RET: variants seen among roughly 807,000 people sequenced by gnomAD.
RET encodes the protein proto-oncogene tyrosine-protein kinase receptor Ret.
Under a neutral mutation model 118.3 loss-of-function variants are expected in RET, and 19 were observed. The ratio of observed to expected loss-of-function variants is 0.16; its 90% CI spans 0.11 to 0.24. RET has a LOEUF of 0.24. Ranked by LOEUF, RET falls within the 10% of genes least tolerant of loss-of-function variation. The pLI, the probability that RET is intolerant of heterozygous loss-of-function variation, is 1.00. For missense variants in RET, 1,219 were observed against 1,502.1 expected (o/e 0.81, Z 3.12); for synonymous variants, 597 against 644.1 (o/e 0.93, Z 1.11).
At chr10:43,125,079 G>T in intron 18 of RET, 97 bp downstream of exon 18, 2 of 1,097,944 alleles carry the variant, frequency 1.8e-6, no homozygotes, top group Admixed American at 3.8e-5. Context: ...AGTTCCCAGT[G>T]TGGGGCCACA....
In RET at chr10:43,104,990, G is replaced by A. The variant is rs1837729713; in HGVS notation, c.664G>A (p.Glu222Lys). Residue 222 changes from glutamate to lysine, a missense_variant, in exon 4 of 20, where the codon GAG (glutamate) becomes AAG (lysine). By Grantham distance (56) the Glu-to-Lys change is moderately conservative. Around this residue, in one of 5 missense-constraint regions of RET, gnomAD observed 850 missense variants for 969.6 expected, o/e 0.88. Transcript: ENST00000355710. ...CTTCCGCTGCGCCCCGGACAGCCTG[G>A]AGGTGAGCACGCGCTGGGCCCTGGA... ...LPFRCAPDSL[E>K]VSTRWALDRE... The A allele has an allele frequency of 3.2e-6, 5 of 1,585,688 alleles. No homozygotes were observed. Among genetic ancestry groups the A allele is most frequent in the Non-Finnish European group, 3.4e-6 (4 of 1,172,772 alleles).
chr10:43,088,144 G>A (rs28576059), intron 1 of RET, among the ~76,000 whole-genome samples: 117,741 of 150,188 alleles, frequency 0.78, 47,180 homozygotes, highest in African/African-American at 0.95. Flanking sequence ...GGTGGAGGCA[G>A]TTGTGGTGGT....
chr10:43,085,473 C>G (rs1243506453), intron 1 of RET, among the ~76,000 whole-genome samples: 1 of 152,226 alleles, frequency 6.6e-6, no homozygotes, highest in Non-Finnish European at 1.5e-5. Context: ...TCCCTCACCC[C>G]CCAGGGGCCA....
chr10:43,125,780 C>T (rs1408973563), intron 18 of RET, among the ~76,000 whole-genome samples: 2 of 152,158 alleles, frequency 1.3e-5, no homozygotes, highest in East Asian at 1.9e-4. Context: ...TCACTTCTTC[C>T]GACTTGGATA....
intron 3 of RET, 33 bp downstream of exon 3, chr10:43,102,662 TGCCTGCTACTGC>T: frequency 6.2e-7 from 1 of 1,611,306 alleles, no homozygotes; most frequent in East Asian, 2.2e-5. Flanking sequence ...CGCCCCACAG[TGCCTGCTACTGC>T]TGGTCTTGCT....
At chr10:43,084,328 G>A (rs1837246095) in intron 1 of RET, among the ~76,000 whole-genome samples, 1 of 152,148 alleles carries the variant, frequency 6.6e-6, no homozygotes, top group East Asian at 1.9e-4. Flanking sequence ...CATTCCCAAG[G>A]GTTACAATCT....
intron 1 of RET, among the ~76,000 whole-genome samples, chr10:43,078,400 C>T (rs1239484739): frequency 6.6e-6 from 1 of 152,236 alleles, no homozygotes; most frequent in African/African-American, 2.4e-5. Context: ...AGGCCCTGCA[C>T]AAACTGAGTT....
rs1838395680 is a variant in RET, at chr10:43,129,108, C to T, written c.*839C>T. ...TGAAGAAAGGGGGCTGTTGGAGTCC[C>T]AGAATTGCTGACAGCAGAGGCTTTG... On this transcript the variant is annotated 3_prime_UTR_variant, in exon 20 of 20. Coordinates refer to ENST00000355710, the MANE Select transcript of RET (RefSeq NM_020975.6). The T allele has an allele frequency of 4.3e-6, 1 of 233,480 alleles. No individual in the cohort carries two copies. Among genetic ancestry groups the T allele is most frequent in the African/African-American group, 2.2e-5 (1 of 45,338 alleles). The allele number at this position is 233,480 out of a possible 1,614,324, so 14.5% of individuals were successfully genotyped here. A position where few individuals can be genotyped will look rare whatever the true frequency, so the allele number is the denominator to read the frequency against.
At chr10:43,087,016 G>A (rs1837304072) in intron 1 of RET, among the ~76,000 whole-genome samples, 1 of 152,372 alleles carries the variant, frequency 6.6e-6, no homozygotes, top group South Asian at 2.1e-4. Context: ...TTTTAGGGGT[G>A]TCAGGAGGCT....
At chr10:43,110,858 T>A (rs917805096) in intron 6 of RET, among the ~76,000 whole-genome samples, 2 of 152,028 alleles carry the variant, frequency 1.3e-5, no homozygotes, top group Non-Finnish European at 2.9e-5. Context: ...GCGGCTTTGT[T>A]GTCTGAGTGA....
chr10:43,126,754 G>C, intron 19 of RET, 32 bp downstream of exon 19: 1 of 1,611,698 alleles, frequency 6.2e-7, no homozygotes, highest in Non-Finnish European at 8.5e-7. Flanking sequence ...CTAGATTCTA[G>C]CACCGCTGTC....
In RET at chr10:43,104,603, A is replaced by ACAAGGCCACTCCTGAT. The variant is rs1217961408; in HGVS notation, c.626-340_626-325dup. On this transcript the variant is annotated intron_variant, in intron 3 of 19. Transcript: ENST00000355710. Reference sequence around the variant, plus strand: ...CTGAGGCAAAGCCACCCTTCCCCACACAAGGCCACTCCTGATCAAGGCCAG... The same window carrying ACAAGGCCACTCCTGAT: ...CTGAGGCAAAGCCACCCTTCCCCACACAAGGCCACTCCTGATCAAGGCCACTCCTGATCAAGGCCAG... 4 of 431,214 alleles carry ACAAGGCCACTCCTGAT rather than the reference A, an allele frequency of 9.3e-6. No individual in the cohort carries two copies. The East Asian group carries it at 1.4e-4, about 15-fold the overall frequency. The allele number at this position is 431,214 out of a possible 1,614,324, so 26.7% of individuals were successfully genotyped here.
At chr10:43,113,222 A>G (rs1453653821) in intron 9 of RET, among the ~76,000 whole-genome samples, 1 of 152,214 alleles carries the variant, frequency 6.6e-6, no homozygotes, top group East Asian at 1.9e-4. Context: ...GAAGCAGAGA[A>G]TGGTCAGTAG....
At position 43,117,370 on chromosome 10, in the gene RET, A is replaced by G. The variant is rs148250874; in HGVS notation, c.2284+639A>G. Among the ~76,000 whole-genome samples the G allele has an allele frequency of 1.3e-3, 202 of 152,316 alleles. 1 individual carries two copies. Among genetic ancestry groups the G allele is most frequent in the African/African-American group, 4.7e-3 (195 of 41,560 alleles). Reference sequence around the variant, plus strand: ...CCAGCCCCAGACTGGGTTCACCTCCAAGCCAGTAAAACCCCGGACTCTCCA... The same window carrying G: ...CCAGCCCCAGACTGGGTTCACCTCCGAGCCAGTAAAACCCCGGACTCTCCA... On this transcript the variant is annotated intron_variant, in intron 12 of 19. Coordinates refer to ENST00000355710, the MANE Select transcript of RET (RefSeq NM_020975.6).
At chr10:43,094,065 G>A (rs12767776) in intron 1 of RET, among the ~76,000 whole-genome samples, 117,157 of 149,366 alleles carry the variant, frequency 0.78, 46,977 homozygotes, top group African/African-American at 0.95. Context: ...AAGAGAAAAC[G>A]TGAGTGGGAA....
intron 1 of RET, among the ~76,000 whole-genome samples, chr10:43,099,070 C>A (rs920621948): frequency 2.0e-5 from 3 of 152,170 alleles, no homozygotes; most frequent in Non-Finnish European, 4.4e-5. Context: ...GAAATGTTGG[C>A]CACACACAGT....
Position 43,128,993 on chromosome 10 carries a change from G to A in RET, c.*724G>A, listed in dbSNP as rs902632382. ...ATGTGGATGGTGGTATCAGGGAAGA[G>A]GGCTCACAAGACACATTTGTCCCCC... On this transcript the variant is annotated 3_prime_UTR_variant, in exon 20 of 20. Transcript: ENST00000355710. 2.5e-5 allele frequency: 6 copies of A among 236,690 alleles called. No individual in the cohort carries two copies. The highest frequency in any genetic ancestry group is 1.3e-4 in the African/African-American group (6 of 45,288). 14.7% of individuals were successfully genotyped at this position (236,690 alleles called of 1,614,324 possible). A position where few individuals can be genotyped will look rare whatever the true frequency, so the allele number is the denominator to read the frequency against.
Position 43,119,522 on chromosome 10 carries a change from C to T in RET, c.2393-9C>T, listed in dbSNP as rs567543719. 1.2e-4 allele frequency: 188 copies of T among 1,588,992 alleles called. 5 individuals carry two copies. The South Asian group carries it at 1.7e-3, about 14-fold the overall frequency. ...CCGCACGCCCAGGGCCCCCTCTCTC[C>T]GCCCCCAGGCCCGCTCCTCCTCATC... On this transcript the variant is annotated splice_polypyrimidine_tract_variant and intron_variant, in intron 13 of 19. Coordinates refer to ENST00000355710, the MANE Select transcript of RET (RefSeq NM_020975.6).
At chr10:43,122,064 T>G in intron 16 of RET, 48 bp downstream of exon 16, 1 of 1,459,402 alleles carries the variant, frequency 6.9e-7, no homozygotes, top group South Asian at 1.1e-5. Flanking sequence ...AGAAACACCC[T>G]TATACATGTA....
Sources: allele counts gnomAD v4.1 joint callset (sites outside exome capture counted in the v4.1 genomes callset), GRCh38; gene constraint gnomAD v4.1.1; regional missense constraint gnomAD v4.1.1; transcripts MANE v1.5; gene names NCBI Gene and HGNC (gene_info 2026-07-23, HGNC 2026-07-21).